The following SLC24A2 variants were observed in gnomAD, a reference collection of about 807,000 sequenced individuals.
SLC24A2 encodes sodium/potassium/calcium exchanger 2.
SLC24A2 carries 36 observed loss-of-function variants against 62.0 expected under a neutral mutation model. The ratio of observed to expected loss-of-function variants is 0.58; its 90% CI spans 0.44 to 0.77. The LOEUF is 0.77. Among genes scored for constraint, SLC24A2 ranks in the 30% least tolerant of loss-of-function variants. The pLI, the probability that SLC24A2 is intolerant of heterozygous loss-of-function variation, is 0.00. For missense variants in SLC24A2, 846 were observed against 817.9 expected (o/e 1.03, Z -0.42); for synonymous variants, 358 against 294.0 (o/e 1.22, Z -2.23).
At chr9:19,985,093 G>A in the SLC24A2 span, among the ~76,000 whole-genome samples, 1 of 151,962 alleles carries the variant, frequency 6.6e-6, no homozygotes, top group Admixed American at 6.6e-5. Flanking sequence ...AAATATTGAG[G>A]ATTTAGAGCA....
At chr9:19,914,228 T>G in the SLC24A2 span, among the ~76,000 whole-genome samples, 1 of 152,090 alleles carries the variant, frequency 6.6e-6, no homozygotes. Flanking sequence ...AACCACCTCC[T>G]GTCAGATCTA....
At chr9:19,674,013 A>T (rs1819495179) in intron 2 of SLC24A2, among the ~76,000 whole-genome samples, 2 of 152,138 alleles carry the variant, frequency 1.3e-5, no homozygotes, top group Non-Finnish European at 2.9e-5. Context: ...GGTGTATTTC[A>T]AGGATTTGTT....
intron 5 of SLC24A2, among the ~76,000 whole-genome samples, chr9:19,584,293 A>C (rs900641518): frequency 1.8e-4 from 19 of 103,718 alleles, no homozygotes; most frequent in African/African-American, 6.0e-4. Context: ...AAAAAAAAAA[A>C]CAAACAAAAA....
chr9:19,961,140 G>GGA, the SLC24A2 span, among the ~76,000 whole-genome samples: 189 of 138,574 alleles, frequency 1.4e-3, 2 homozygotes, highest in South Asian at 0.011. Flanking sequence ...AGAAGAAAGG[G>GGA]GAGAGAGAGA....
the SLC24A2 span, among the ~76,000 whole-genome samples, chr9:20,276,133 C>G: frequency 3.3e-5 from 5 of 152,190 alleles, no homozygotes; most frequent in Admixed American, 3.3e-4. Flanking sequence ...AAAGTCTTAA[C>G]TCATTTCAGC....
chr9:20,177,777 A>T, the SLC24A2 span, among the ~76,000 whole-genome samples: 1 of 152,160 alleles, frequency 6.6e-6, no homozygotes, highest in African/African-American at 2.4e-5. Context: ...ACTATACCAC[A>T]TACAGTATAC....
the SLC24A2 span, among the ~76,000 whole-genome samples, chr9:19,919,645 A>T: frequency 4.6e-5 from 7 of 152,110 alleles, no homozygotes; most frequent in South Asian, 1.5e-3. Flanking sequence ...GGTAATTTAT[A>T]AAGAAAAGAG....
chr9:19,735,182 A>G (rs1564071162), intron 2 of SLC24A2, among the ~76,000 whole-genome samples: 1 of 152,168 alleles, frequency 6.6e-6, no homozygotes, highest in Non-Finnish European at 1.5e-5. Context: ...AAACCCCATC[A>G]ACAAGTGGGC....
chr9:19,661,549 C>T (rs971914345), intron 2 of SLC24A2, among the ~76,000 whole-genome samples: 2 of 152,140 alleles, frequency 1.3e-5, no homozygotes, highest in African/African-American at 4.8e-5. Context: ...CAATTCAGCT[C>T]AATATTTCTT....
the SLC24A2 span, among the ~76,000 whole-genome samples, chr9:20,074,875 T>C: frequency 6.6e-6 from 1 of 152,178 alleles, no homozygotes; most frequent in Non-Finnish European, 1.5e-5. Flanking sequence ...TCAGGTTTCC[T>C]ACTGCAACAG....
chr9:19,836,668 A>G, the SLC24A2 span, among the ~76,000 whole-genome samples: 3 of 152,218 alleles, frequency 2.0e-5, no homozygotes, highest in Non-Finnish European at 2.9e-5. Flanking sequence ...AACTGGTACC[A>G]TTCCTTCTGA....
chr9:19,977,813 A>G, the SLC24A2 span, among the ~76,000 whole-genome samples: 2 of 152,194 alleles, frequency 1.3e-5, no homozygotes, highest in South Asian at 4.1e-4. Context: ...AAAAGGTCAG[A>G]GAAGGAAGGA....
the SLC24A2 span, among the ~76,000 whole-genome samples, chr9:20,086,715 G>A: frequency 6.6e-6 from 1 of 152,152 alleles, no homozygotes; most frequent in Non-Finnish European, 1.5e-5. Flanking sequence ...GTGCCTCTTA[G>A]TTTCTTGTAC....
At chr9:19,822,149 G>C in the SLC24A2 span, among the ~76,000 whole-genome samples, 9 of 152,106 alleles carry the variant, frequency 5.9e-5, no homozygotes, top group African/African-American at 2.2e-4. Context: ...GAATAACCTA[G>C]TGATAATGCC....
At chr9:20,053,950 T>G in the SLC24A2 span, among the ~76,000 whole-genome samples, 1 of 152,220 alleles carries the variant, frequency 6.6e-6, no homozygotes, top group African/African-American at 2.4e-5. Flanking sequence ...GCACTGCATG[T>G]GCATGAGCAG....
At chr9:20,206,470 A>G in the SLC24A2 span, among the ~76,000 whole-genome samples, 1 of 152,192 alleles carries the variant, frequency 6.6e-6, no homozygotes, top group Non-Finnish European at 1.5e-5. Context: ...TTACATTAAT[A>G]CATAATTGGT....
chr9:20,255,150 T>A, the SLC24A2 span, among the ~76,000 whole-genome samples: 2 of 152,196 alleles, frequency 1.3e-5, no homozygotes, highest in Admixed American at 1.3e-4. Flanking sequence ...AGTTCAGGGT[T>A]TAGCGTGTCT....
intron 4 of SLC24A2, among the ~76,000 whole-genome samples, chr9:19,597,543 A>C (rs966554827): frequency 1.3e-5 from 2 of 152,200 alleles, no homozygotes; most frequent in Non-Finnish European, 2.9e-5. Context: ...ACATCCAATG[A>C]AACAGAGTAT....
chr9:19,802,000 T>C, the SLC24A2 span, among the ~76,000 whole-genome samples: 19,315 of 152,250 alleles, frequency 0.13, 2,643 homozygotes, highest in African/African-American at 0.35. Flanking sequence ...TGCTAAAATA[T>C]TGAAATACTT....
Sources: gnomAD v4.1 joint callset for allele counts (sites outside exome capture counted in the v4.1 genomes callset) on GRCh38, gnomAD v4.1.1 for gene constraint, MANE v1.5 for transcripts, NCBI Gene and HGNC (gene_info 2026-07-23, HGNC 2026-07-21) for gene names.